Variants in ITPR1 observed in about 807,000 individuals in gnomAD.
The protein encoded by ITPR1 is inositol 1,4,5-trisphosphate-gated calcium channel ITPR1.
ITPR1 carries 96 observed loss-of-function variants against 318.4 expected under a neutral mutation model. The observed-to-expected ratio is 0.30, with a 90% CI of 0.26 to 0.36. ITPR1 has a LOEUF of 0.36. Ranked by LOEUF, ITPR1 falls within the 10% of genes least tolerant of loss-of-function variation. The pLI is 1.00. For missense variants in ITPR1, 2,440 were observed against 3,460.2 expected (o/e 0.71, Z 7.40); for synonymous variants, 1,312 against 1,289.9 (o/e 1.02, Z -0.37).
Position 4,594,002 on chromosome 3 carries a change from A to C in ITPR1, c.164-33761A>C, listed in dbSNP as rs565146634. On this transcript the variant is annotated intron_variant, in intron 4 of 61. Coordinates refer to ENST00000649015, the MANE Select transcript of ITPR1 (RefSeq NM_001378452.1). ...GCCAGGGAGGCTACCAGGAGAATCT[A>C]TGTGGGAGATATGATATGGGAAATG... Among the ~76,000 whole-genome samples the C allele has an allele frequency of 3.9e-5, 6 of 152,288 alleles. No individual in the cohort carries two copies. The South Asian group carries it at 1.2e-3, about 32-fold the overall frequency.
chr3:4,656,362 G>T (rs570059757), intron 12 of ITPR1, among the ~76,000 whole-genome samples: 1 of 152,202 alleles, frequency 6.6e-6, no homozygotes, highest in Non-Finnish European at 1.5e-5. Flanking sequence ...AGTGGCATGT[G>T]GAGTAATATG....
chr3:4,758,733 C>G (rs937818296), intron 44 of ITPR1, among the ~76,000 whole-genome samples: 1 of 152,182 alleles, frequency 6.6e-6, no homozygotes, highest in African/African-American at 2.4e-5. Context: ...CTAGGCAGAG[C>G]GTGCCTGGAG....
chr3:4,692,609 G>GT (rs1295787370), intron 32 of ITPR1, among the ~76,000 whole-genome samples: 1 of 152,118 alleles, frequency 6.6e-6, no homozygotes, highest in Non-Finnish European at 1.5e-5. Context: ...CCCTTTCTGG[G>GT]TTTTTTGTAC....
intron 4 of ITPR1, among the ~76,000 whole-genome samples, chr3:4,598,212 C>T (rs914487925): frequency 1.4e-4 from 22 of 152,210 alleles, no homozygotes; most frequent in African/African-American, 4.8e-4. Flanking sequence ...CTGTCATTGG[C>T]TTCTGTGCAT....
chr3:4,589,166 C>CA (rs532329127), intron 4 of ITPR1, among the ~76,000 whole-genome samples: 1 of 151,454 alleles, frequency 6.6e-6, no homozygotes, highest in Non-Finnish European at 1.5e-5. Flanking sequence ...CATTGTGTCT[C>CA]AAAAAAAATA....
chr3:4,589,202 G>T (rs1456936169), intron 4 of ITPR1, among the ~76,000 whole-genome samples: 1 of 152,036 alleles, frequency 6.6e-6, no homozygotes, highest in Non-Finnish European at 1.5e-5. Flanking sequence ...ATATAAAACT[G>T]CAACCTAGGA....
chr3:4,692,185 A>T (rs976229517), intron 32 of ITPR1, among the ~76,000 whole-genome samples: 1 of 151,220 alleles, frequency 6.6e-6, no homozygotes, highest in African/African-American at 2.4e-5. Flanking sequence ...TCAACCTGGG[A>T]TACAAATGTC....
intron 4 of ITPR1, among the ~76,000 whole-genome samples, chr3:4,557,387 G>A (rs766319920): frequency 2.0e-5 from 3 of 152,064 alleles, no homozygotes; most frequent in African/African-American, 7.2e-5. Context: ...ATTACCTCCC[G>A]CCAGGTCCCT....
At chr3:4,809,275 G>A (rs971667427) in intron 55 of ITPR1, among the ~76,000 whole-genome samples, 4 of 152,166 alleles carry the variant, frequency 2.6e-5, no homozygotes, top group Non-Finnish European at 5.9e-5. Context: ...ATAACTAGAC[G>A]AGCACGTATG....
At chr3:4,768,042 T>TA (rs1451469436) in intron 45 of ITPR1, among the ~76,000 whole-genome samples, 7 of 152,240 alleles carry the variant, frequency 4.6e-5, no homozygotes, top group African/African-American at 1.4e-4. Flanking sequence ...CACAGGGTTA[T>TA]TCTGAGGATG....
intron 4 of ITPR1, among the ~76,000 whole-genome samples, chr3:4,531,512 A>G (rs1015775697): frequency 4.6e-5 from 7 of 152,040 alleles, no homozygotes; most frequent in African/African-American, 1.7e-4. Context: ...TTGGAACCTC[A>G]TAGTGGTTCC....
intron 36 of ITPR1, among the ~76,000 whole-genome samples, chr3:4,704,904 G>A (rs2094725811): frequency 1.3e-5 from 2 of 151,916 alleles, no homozygotes; most frequent in Admixed American, 1.3e-4. Context: ...AGCTGTGACG[G>A]GTGTACCCTG....
At chr3:4,535,503 C>T (rs540405148) in intron 4 of ITPR1, among the ~76,000 whole-genome samples, 24 of 125,748 alleles carry the variant, frequency 1.9e-4, no homozygotes, top group African/African-American at 5.7e-4. Flanking sequence ...AGTGCAGTGG[C>T]GCAATCTCGG....
chr3:4,568,116 T>C (rs111287369), intron 4 of ITPR1, among the ~76,000 whole-genome samples: 1 of 152,296 alleles, frequency 6.6e-6, no homozygotes, highest in East Asian at 1.9e-4. Context: ...TAAGAGTCTG[T>C]GATTTTTACA....
chr3:4,570,046 G>A (rs1413669555), intron 4 of ITPR1, among the ~76,000 whole-genome samples: 1 of 152,040 alleles, frequency 6.6e-6, no homozygotes, highest in Non-Finnish European at 1.5e-5. Flanking sequence ...CCTTCACTTT[G>A]GAGAATTGCG....
chr3:4,844,472 A>G (rs1037688166), intron 61 of ITPR1, among the ~76,000 whole-genome samples: 1 of 152,216 alleles, frequency 6.6e-6, no homozygotes, highest in South Asian at 2.1e-4. Context: ...AGATTATCCA[A>G]ATTTAGCTAA....
intron 5 of ITPR1, among the ~76,000 whole-genome samples, chr3:4,628,440 G>C (rs73106482): frequency 0.027 from 4,145 of 152,280 alleles, 217 homozygotes; most frequent in African/African-American, 0.094. Flanking sequence ...TGTGACCATA[G>C]CAAGTTTTTG....
At chr3:4,784,757 C>T (rs1025906284) in intron 51 of ITPR1, among the ~76,000 whole-genome samples, 2 of 148,736 alleles carry the variant, frequency 1.3e-5, no homozygotes, top group Non-Finnish European at 3.0e-5. Context: ...ATTAGCCAGG[C>T]GTGGTGGCAC....
intron 30 of ITPR1, among the ~76,000 whole-genome samples, chr3:4,686,396 G>C (rs995888197): frequency 3.9e-5 from 6 of 152,196 alleles, no homozygotes; most frequent in African/African-American, 1.4e-4. Context: ...AGTTGATACA[G>C]GTGTGCATTA....
Sources: allele counts gnomAD v4.1 joint callset (sites outside exome capture counted in the v4.1 genomes callset), GRCh38; gene constraint gnomAD v4.1.1; transcripts MANE v1.5; gene names NCBI Gene and HGNC (gene_info 2026-07-23, HGNC 2026-07-21).